Variants in UNC13C observed in about 807,000 individuals in gnomAD.
The protein encoded by UNC13C is protein unc-13 homolog C.
UNC13C carries 174 observed loss-of-function variants against 245.4 expected under a neutral mutation model. The observed-to-expected ratio is 0.71, with a 90% CI of 0.63 to 0.80. UNC13C has a LOEUF of 0.80. UNC13C is among the 30% of genes least tolerant of loss of function. UNC13C has a pLI of 0.00. For missense variants in UNC13C, 2,829 were observed against 2,602.9 expected (o/e 1.09, Z -1.89); for synonymous variants, 992 against 895.1 (o/e 1.11, Z -1.93).
chr15:54,221,213 G>A (rs554358935), intron 4 of UNC13C, among the ~76,000 whole-genome samples: 8 of 151,898 alleles, frequency 5.3e-5, no homozygotes, highest in Non-Finnish European at 1.2e-4. Context: ...TTGCTAAGAA[G>A]GCATAGTGTC....
intron 19 of UNC13C, among the ~76,000 whole-genome samples, chr15:54,489,101 A>G (rs943267009): frequency 6.6e-6 from 1 of 152,196 alleles, no homozygotes; most frequent in African/African-American, 2.4e-5. Flanking sequence ...TATTTTAAAT[A>G]TCTCCTGTAT....
At chr15:54,546,500 G>A (rs1896486544) in intron 26 of UNC13C, among the ~76,000 whole-genome samples, 1 of 152,018 alleles carries the variant, frequency 6.6e-6, no homozygotes, top group Non-Finnish European at 1.5e-5. Flanking sequence ...TCCAAAGCCT[G>A]TTGATTTAGA....
chr15:53,934,619 G>C, the UNC13C span, among the ~76,000 whole-genome samples: 1 of 152,082 alleles, frequency 6.6e-6, no homozygotes, highest in Admixed American at 6.6e-5. Context: ...AGTCGTAGAA[G>C]GTATATGTCT....
intron 22 of UNC13C, among the ~76,000 whole-genome samples, chr15:54,504,596 G>A (rs1384194645): frequency 1.3e-5 from 2 of 152,102 alleles, no homozygotes; most frequent in Non-Finnish European, 2.9e-5. Flanking sequence ...TCAAACCTAG[G>A]CATTTATGGT....
intron 7 of UNC13C, among the ~76,000 whole-genome samples, chr15:54,246,980 G>A (rs551119548): frequency 6.6e-6 from 1 of 152,204 alleles, no homozygotes; most frequent in African/African-American, 2.4e-5. Flanking sequence ...TGCTGTCCTT[G>A]GGTCCTAATT....
Position 54,253,864 on chromosome 15 carries a change from C to T in UNC13C, c.3448+3420C>T, listed in dbSNP as rs2036215327. Among the ~76,000 whole-genome samples, 4 of 152,136 alleles carry T rather than the reference C, an allele frequency of 2.6e-5. No individual in the cohort carries two copies. In the South Asian group the frequency reaches 8.3e-4, roughly 32 times the overall value. ...CAGCTACAGAGATTGGAAAAAAATG[C>T]AAATAATCATGGCACTTTCCTTACA... On this transcript the variant is annotated intron_variant, in intron 8 of 32. Transcript: ENST00000260323.
intron 2 of UNC13C, among the ~76,000 whole-genome samples, chr15:54,046,368 G>A (rs972047107): frequency 1.3e-5 from 2 of 152,118 alleles, no homozygotes; most frequent in Non-Finnish European, 2.9e-5. Flanking sequence ...ATATGAGTAT[G>A]CTTGTTTTTC....
At chr15:54,009,550 C>CTTT (rs958989518) in intron 1 of UNC13C, among the ~76,000 whole-genome samples, 4 of 144,234 alleles carry the variant, frequency 2.8e-5, no homozygotes, top group South Asian at 2.2e-4. Context: ...TCTTCTTCTT[C>CTTT]TTTTTTTTTT....
chr15:53,911,984 C>G, the UNC13C span: 1 of 152,238 alleles, frequency 6.6e-6, no homozygotes, highest in Non-Finnish European at 1.5e-5. Flanking sequence ...AGGCCATTGG[C>G]GGGACCTGGG....
chr15:53,968,530 G>A, the UNC13C span, among the ~76,000 whole-genome samples: 1 of 152,088 alleles, frequency 6.6e-6, no homozygotes. Context: ...TATATTCACT[G>A]AAATTCCATA....
the UNC13C span, among the ~76,000 whole-genome samples, chr15:53,877,755 G>A: frequency 2.5e-4 from 38 of 152,254 alleles, no homozygotes; most frequent in Admixed American, 1.2e-3. Flanking sequence ...GTACTTATCC[G>A]TGTAAACAAT....
At chr15:54,445,868 A>C (rs929614975) in intron 19 of UNC13C, among the ~76,000 whole-genome samples, 1 of 152,192 alleles carries the variant, frequency 6.6e-6, no homozygotes, top group Non-Finnish European at 1.5e-5. Flanking sequence ...GTCCTTGCCC[A>C]TGCCTATGTC....
At chr15:54,035,172 G>A (rs1423005488) in intron 2 of UNC13C, among the ~76,000 whole-genome samples, 1 of 151,766 alleles carries the variant, frequency 6.6e-6, no homozygotes, top group African/African-American at 2.4e-5. Flanking sequence ...GTCTAAAGGG[G>A]CCTTGTTAAA....
At chr15:53,944,045 G>A in the UNC13C span, among the ~76,000 whole-genome samples, 50,123 of 151,696 alleles carry the variant, frequency 0.33, 8,310 homozygotes, top group Middle Eastern at 0.34. Context: ...ATATAATTGT[G>A]TCATGTTTTT....
intron 24 of UNC13C, among the ~76,000 whole-genome samples, chr15:54,521,542 T>C (rs1182026562): frequency 1.3e-5 from 2 of 152,188 alleles, no homozygotes; most frequent in Non-Finnish European, 2.9e-5. Context: ...GTTTAACAAT[T>C]GCTGCTGTAA....
intron 32 of UNC13C, among the ~76,000 whole-genome samples, 196 bp from the exon 33 acceptor site, chr15:54,626,632 T>A (rs929097298): frequency 3.3e-5 from 5 of 152,150 alleles, no homozygotes; most frequent in Non-Finnish European, 7.4e-5. Flanking sequence ...TTTTTCTGTC[T>A]TTTCTATCTA....
intron 4 of UNC13C, among the ~76,000 whole-genome samples, chr15:54,182,228 GT>G (rs888710887): frequency 6.6e-6 from 1 of 151,832 alleles, no homozygotes; most frequent in African/African-American, 2.4e-5. Context: ...AGTTTCTTAA[GT>G]TTTTTATACT....
the UNC13C span, among the ~76,000 whole-genome samples, chr15:53,958,661 A>T: frequency 1.3e-5 from 2 of 152,108 alleles, no homozygotes; most frequent in South Asian, 2.1e-4. Flanking sequence ...TTTGTTTTTT[A>T]AAAGTATTTT....
intron 17 of UNC13C, among the ~76,000 whole-genome samples, chr15:54,340,233 T>C (rs1198796683): frequency 6.6e-6 from 1 of 152,212 alleles, no homozygotes; most frequent in African/African-American, 2.4e-5. Context: ...ACTCTGTGGG[T>C]TGTCTATTTA....
Sources: allele counts gnomAD v4.1 joint callset (sites outside exome capture counted in the v4.1 genomes callset), GRCh38; gene constraint gnomAD v4.1.1; transcripts MANE v1.5; gene names NCBI Gene and HGNC (gene_info 2026-07-23, HGNC 2026-07-21).